Variants in UGGT2 observed in about 807,000 individuals in gnomAD.
UGGT2 encodes UDP-glucose glycoprotein glucosyltransferase 2, also known as UDP-glucose:glycoprotein glucosyltransferase 2.
In UGGT2, 180 loss-of-function variants were observed where a neutral mutation model predicts 192.1. The observed-to-expected ratio is 0.94, with a 90% CI of 0.83 to 1.06. The LOEUF is 1.06. Among genes scored for constraint, UGGT2 ranks in the 50% least tolerant of loss-of-function variants. UGGT2 has a pLI of 0.00. For missense variants in UGGT2, 1,849 were observed against 1,795.7 expected (o/e 1.03, Z -0.54); for synonymous variants, 580 against 591.0 (o/e 0.98, Z 0.27).
intron 15 of UGGT2, among the ~76,000 whole-genome samples, chr13:95,944,344 T>C (rs2049793436): frequency 6.6e-6 from 1 of 152,124 alleles, no homozygotes; most frequent in South Asian, 2.1e-4. Context: ...CATTTGAATA[T>C]TTGGTAGAAT....
intron 12 of UGGT2, among the ~76,000 whole-genome samples, 167 bp from the exon 13 acceptor site, chr13:95,949,621 G>A (rs1354965215): frequency 2.0e-5 from 3 of 152,158 alleles, no homozygotes; most frequent in Non-Finnish European, 4.4e-5. Context: ...AATACATTAT[G>A]TGCAACAATT....
At chr13:96,047,230 G>A (rs1197244394) in intron 1 of UGGT2, among the ~76,000 whole-genome samples, 10 of 152,170 alleles carry the variant, frequency 6.6e-5, no homozygotes, top group East Asian at 1.9e-4. Flanking sequence ...AGTAGGGGCC[G>A]ACTGACACCT....
intron 10 of UGGT2, among the ~76,000 whole-genome samples, chr13:95,978,753 G>C (rs892894110): frequency 2.6e-5 from 4 of 152,100 alleles, no homozygotes; most frequent in Admixed American, 2.6e-4. Context: ...AAAATTTGAA[G>C]TCAAATCAGA....
chr13:95,866,700 C>T (rs540553520), intron 30 of UGGT2, among the ~76,000 whole-genome samples: 2 of 152,030 alleles, frequency 1.3e-5, no homozygotes, highest in Admixed American at 1.3e-4. Context: ...GTCCCCTAAC[C>T]CATCAAATTA....
chr13:95,972,745 T>C (rs534378856), intron 10 of UGGT2, 74 bp from the exon 11 acceptor site: 1 of 1,117,976 alleles, frequency 8.9e-7, no homozygotes, highest in Non-Finnish European at 1.3e-6. Context: ...ACCATATTAT[T>C]TCTATAAAGA....
chr13:95,975,305 T>A (rs1349999721), intron 10 of UGGT2, among the ~76,000 whole-genome samples: 1 of 151,998 alleles, frequency 6.6e-6, no homozygotes, highest in Non-Finnish European at 1.5e-5. Context: ...CATCCAGATA[T>A]CCTTATGCAC....
chr13:95,880,937 G>C (rs565518137), intron 27 of UGGT2, among the ~76,000 whole-genome samples: 1 of 152,210 alleles, frequency 6.6e-6, no homozygotes, highest in Admixed American at 6.5e-5. Flanking sequence ...CACTTTGGGA[G>C]GCCGAGGTGG....
chr13:96,018,383 G>C (rs114659734), intron 4 of UGGT2, among the ~76,000 whole-genome samples: 159 of 152,238 alleles, frequency 1.0e-3, no homozygotes, highest in African/African-American at 3.6e-3. Context: ...GAGCATGGTG[G>C]TTTGTACCTG....
chr13:95,926,005 C>CA (rs2049004584), intron 19 of UGGT2, among the ~76,000 whole-genome samples: 2 of 151,786 alleles, frequency 1.3e-5, no homozygotes, highest in African/African-American at 4.8e-5. Context: ...ATTCATTATA[C>CA]AAGCTTATAT....
intron 10 of UGGT2, 127 bp downstream of exon 10, chr13:95,983,677 C>G (rs1232511299): frequency 1.3e-6 from 1 of 744,278 alleles, no homozygotes; most frequent in African/African-American, 1.8e-5. Context: ...ATAGAAGAAC[C>G]CAGACTGTTT....
At chr13:96,027,297 G>A (rs2052698626) in intron 2 of UGGT2, among the ~76,000 whole-genome samples, 1 of 152,134 alleles carries the variant, frequency 6.6e-6, no homozygotes, top group South Asian at 2.1e-4. Context: ...TCACCATCAA[G>A]GTTGTCCCTT....
chr13:95,844,538 A>C (rs1888195103), intron 36 of UGGT2, among the ~76,000 whole-genome samples: 1 of 152,128 alleles, frequency 6.6e-6, no homozygotes, highest in African/African-American at 2.4e-5. Flanking sequence ...CTGACCACTA[A>C]GTTTTTCATT....
At chr13:96,024,993 G>A (rs2052621693) in intron 2 of UGGT2, among the ~76,000 whole-genome samples, 1 of 152,310 alleles carries the variant, frequency 6.6e-6, no homozygotes, top group Middle Eastern at 3.4e-3. Flanking sequence ...AACCCATTCA[G>A]GGTACAGGTG....
intron 38 of UGGT2, among the ~76,000 whole-genome samples, chr13:95,829,724 T>A (rs1886455342): frequency 6.6e-6 from 1 of 152,110 alleles, no homozygotes; most frequent in African/African-American, 2.4e-5. Context: ...AGAATCAGTA[T>A]TGTGAAAATG....
At chr13:95,872,992 G>A (rs1891346873) in intron 29 of UGGT2, among the ~76,000 whole-genome samples, 2 of 152,052 alleles carry the variant, frequency 1.3e-5, no homozygotes, top group South Asian at 4.2e-4. Context: ...TTTGTAATGA[G>A]GAAATAAAGA....
intron 24 of UGGT2, among the ~76,000 whole-genome samples, chr13:95,893,393 T>G (rs2047857315): frequency 6.6e-6 from 1 of 152,158 alleles, no homozygotes; most frequent in African/African-American, 2.4e-5. Flanking sequence ...GAATAAATAT[T>G]TTTATGTGAT....
At position 96,019,133 on chromosome 13, in the gene UGGT2, G is replaced by C. The variant is rs948167045; in HGVS notation, c.485+3907C>G. Among the ~76,000 whole-genome samples, 57 of 125,070 alleles carry C rather than the reference G, an allele frequency of 4.6e-4. 3 individuals are homozygous for C. The highest frequency in any genetic ancestry group is 1.5e-3 in the African/African-American group (51 of 33,738). The allele number at this position is 125,070 out of a possible 152,430, so 82.1% of individuals were successfully genotyped here. ...TTTGCCCTACATAGCGGGGGGGGGGGGGGGGAATGTTTCTGTCAGGCTGTA... is the reference window on the plus strand; with the variant it reads ...TTTGCCCTACATAGCGGGGGGGGGGCGGGGGAATGTTTCTGTCAGGCTGTA... On this transcript the variant is annotated intron_variant, in intron 4 of 38. Transcript: ENST00000376747.
At chr13:95,963,345 A>G (rs1793262550) in intron 12 of UGGT2, among the ~76,000 whole-genome samples, 1 of 152,178 alleles carries the variant, frequency 6.6e-6, no homozygotes, top group Admixed American at 6.6e-5. Flanking sequence ...ATTAAATTCA[A>G]CATTCATTCA....
At chr13:95,872,799 GAAGAT>G in intron 29 of UGGT2, among the ~76,000 whole-genome samples, 1 of 151,578 alleles carries the variant, frequency 6.6e-6, no homozygotes, top group Middle Eastern at 3.4e-3. Flanking sequence ...TAATAGTAAA[GAAGAT>G]AAAATAGAAT....
Sources: gnomAD v4.1 joint callset for allele counts (sites outside exome capture counted in the v4.1 genomes callset) on GRCh38, gnomAD v4.1.1 for gene constraint, MANE v1.5 for transcripts, NCBI Gene and HGNC (gene_info 2026-07-23, HGNC 2026-07-21) for gene names.